Variants in DEUP1 observed in about 807,000 individuals in gnomAD.
DEUP1 encodes deuterosome assembly protein 1.
DEUP1 carries 82 observed loss-of-function variants against 87.4 expected under a neutral mutation model. The ratio of observed to expected loss-of-function variants is 0.94; its 90% CI spans 0.78 to 1.13. The LOEUF is 1.13. Among genes scored for constraint, DEUP1 ranks in the 50% most tolerant of loss-of-function variants. The pLI is 0.00. For missense variants in DEUP1, 663 were observed against 681.5 expected, an observed-to-expected ratio of 0.97 and a Z score of 0.30; for synonymous variants, 214 against 222.7, an observed-to-expected ratio of 0.96 and a Z score of 0.35.
At chr11:93,353,295 G>C (rs1231715679) in intron 2 of DEUP1, among the ~76,000 whole-genome samples, 2 of 152,218 alleles carry the variant, frequency 1.3e-5, no homozygotes, top group African/African-American at 4.8e-5. Flanking sequence ...TCCAGGTCAT[G>C]CTGATGCAAA....
chr11:93,416,715 A>G (rs1947644832), intron 13 of DEUP1, among the ~76,000 whole-genome samples: 1 of 151,856 alleles, frequency 6.6e-6, no homozygotes, highest in African/African-American at 2.4e-5. Flanking sequence ...AGCCTGGCAG[A>G]GACACAACCA....
intron 4 of DEUP1, among the ~76,000 whole-genome samples, chr11:93,358,133 A>G (rs1274394163): frequency 6.6e-6 from 1 of 152,204 alleles, no homozygotes; most frequent in East Asian, 1.9e-4. Context: ...CCACACAGAA[A>G]TCTAGAAAGT....
intron 8 of DEUP1, 108 bp downstream of exon 8, chr11:93,385,651 A>C: frequency 1.3e-6 from 1 of 798,630 alleles, no homozygotes; most frequent in Non-Finnish European, 1.8e-6. Flanking sequence ...ATTTTGTATT[A>C]ACATGTTAAT....
At chr11:93,403,929 C>T (rs2134400878) in intron 11 of DEUP1, among the ~76,000 whole-genome samples, 1 of 152,066 alleles carries the variant, frequency 6.6e-6, no homozygotes, top group Non-Finnish European at 1.5e-5. Flanking sequence ...TTATTTTTGT[C>T]TTCTAAAATA....
At chr11:93,409,089 G>A (rs770002442) in intron 12 of DEUP1, among the ~76,000 whole-genome samples, 6 of 151,960 alleles carry the variant, frequency 3.9e-5, no homozygotes, top group Admixed American at 2.0e-4. Context: ...ACTCCTGACC[G>A]CAAGTGATCC....
At position 93,371,113 on chromosome 11, in the gene DEUP1, C is replaced by T. The variant is rs116730753; in HGVS notation, c.622C>T (p.Arg208Cys). 26 of 1,612,660 alleles carry T rather than the reference C, an allele frequency of 1.6e-5. No individual in the cohort carries two copies. The East Asian group carries it at 2.5e-4, about 15-fold the overall frequency. ...AGAAGACAGCAGCTCTGAAATTCCT[C>T]GTTTGATATGTGACCCAGATCCCAA... is the stretch of plus-strand genomic sequence containing the variant. ...CLEDSSSEIP[R>C]LICDPDPNCE... Residue 208 changes from arginine to cysteine, a missense_variant, in exon 7 of 14, where the codon CGT (arginine) becomes TGT (cysteine). Arg to Cys is a radical substitution (Grantham distance 180, BLOSUM62 -3). Coordinates refer to ENST00000298050, the MANE Select transcript of DEUP1 (RefSeq NM_181645.4).
At chr11:93,385,610 G>T in intron 8 of DEUP1, 67 bp downstream of exon 8, 1 of 1,276,826 alleles carries the variant, frequency 7.8e-7, no homozygotes, top group East Asian at 2.5e-5. Flanking sequence ...GTTTTTAAGA[G>T]TTTTATATTT....
At chr11:93,336,653 C>T (rs1228962137) in intron 2 of DEUP1, among the ~76,000 whole-genome samples, 3 of 152,210 alleles carry the variant, frequency 2.0e-5, no homozygotes, top group Non-Finnish European at 2.9e-5. Context: ...CTGCCATCTA[C>T]TGTACCTGGT....
Position 93,385,510 on chromosome 11 carries a change from G to A in DEUP1, c.902G>A (p.Gly301Glu), listed in dbSNP as rs1174296270. 4 of 1,609,204 alleles carry A rather than the reference G, an allele frequency of 2.5e-6. No homozygotes were observed. The highest frequency in any genetic ancestry group is 1.1e-5 in the South Asian group (1 of 90,078). Residue 301 changes from glycine to glutamate, a missense_variant, in exon 8 of 14, where the codon GGA becomes GAA. Gly to Glu is a moderately conservative substitution (Grantham distance 98). Coordinates refer to ENST00000298050, the MANE Select transcript of DEUP1 (RefSeq NM_181645.4). ...TTACACAGAGAATTATTAAAAATAG[G>A]AGAGTGCCAAAATGCTCAAGGAAAT... is the stretch of plus-strand genomic sequence containing the variant. ...LQLHRELLKI[G>E]ECQNAQGNKT... is the part of the protein sequence containing the mutation.
intron 5 of DEUP1, among the ~76,000 whole-genome samples, chr11:93,368,283 G>A (rs961089609): frequency 6.6e-6 from 1 of 152,186 alleles, no homozygotes; most frequent in African/African-American, 2.4e-5. Context: ...CCATAGACTG[G>A]GTGGCATAAA....
intron 7 of DEUP1, among the ~76,000 whole-genome samples, chr11:93,381,584 T>A (rs1265137364): frequency 1.3e-5 from 2 of 152,188 alleles, no homozygotes; most frequent in African/African-American, 4.8e-5. Flanking sequence ...ACACTCTACA[T>A]GTTTTTTAAA....
intron 13 of DEUP1, among the ~76,000 whole-genome samples, chr11:93,417,283 A>G (rs2134455874): frequency 6.6e-6 from 1 of 150,942 alleles, no homozygotes. Context: ...AGAAAACCCC[A>G]TTGTCTCTGC....
chr11:93,415,123 C>T lies in DEUP1; in HGVS notation c.1638+9C>T, dbSNP rs749038263. ...ATGATGTATTCCCACTGGTGAGTTG[C>T]TGGTTGTGGGCTTTTTTTTTCTTTA... On this transcript the variant is annotated intron_variant, in intron 13 of 13. Coordinates refer to ENST00000298050, the MANE Select transcript of DEUP1 (RefSeq NM_181645.4). 44 of 1,568,038 alleles carry T rather than the reference C, an allele frequency of 2.8e-5. No homozygotes were observed. Among genetic ancestry groups the T allele is most frequent in the Non-Finnish European group, 3.6e-5 (41 of 1,141,132 alleles).
At position 93,394,536 on chromosome 11, in the gene DEUP1, A is replaced by G. The variant is rs760774728; in HGVS notation, c.1119A>G (p.Leu373=). Residue 373 remains leucine, a synonymous_variant, in exon 10 of 14, where the codon CTA becomes CTG. Transcript: ENST00000298050. ...QERMRNEISD[L]TEELHQKEIT... ...GAATGAGGAATGAAATCTCTGACCT[A>G]ACAGAAGAGCTTCATCAGAAGGAGA... 2 of 1,611,622 alleles carry G rather than the reference A, an allele frequency of 1.2e-6. No individual in the cohort carries two copies. Among genetic ancestry groups the G allele is most frequent in the South Asian group, 2.2e-5 (2 of 90,314 alleles).
intron 8 of DEUP1, 22 bp downstream of exon 8, chr11:93,385,565 A>G (rs1183113537): frequency 4.5e-6 from 7 of 1,563,330 alleles, no homozygotes; most frequent in Non-Finnish European, 6.0e-6. Context: ...ATATTTGACA[A>G]TCTGAGAGAA....
intron 13 of DEUP1, among the ~76,000 whole-genome samples, chr11:93,427,579 T>G (rs1947963075): frequency 6.6e-6 from 1 of 150,954 alleles, no homozygotes; most frequent in African/African-American, 2.4e-5. Flanking sequence ...GGACTTCATG[T>G]CTAAAACACC....
intron 11 of DEUP1, among the ~76,000 whole-genome samples, chr11:93,397,547 G>A (rs765550569): frequency 2.0e-5 from 3 of 151,952 alleles, no homozygotes; most frequent in Non-Finnish European, 2.9e-5. Context: ...ATTCTGGGTC[G>A]TCACAGCCCC....
At chr11:93,381,164 A>G (rs1265804292) in intron 7 of DEUP1, among the ~76,000 whole-genome samples, 1 of 152,152 alleles carries the variant, frequency 6.6e-6, no homozygotes, top group East Asian at 1.9e-4. Context: ...TTTATATTTG[A>G]TAGTTGATTT....
chr11:93,361,414 A>G (rs1468388700), intron 4 of DEUP1, among the ~76,000 whole-genome samples: 1 of 152,120 alleles, frequency 6.6e-6, no homozygotes, highest in Admixed American at 6.5e-5. Context: ...TATTTTCTAA[A>G]TTTTTTGATA....
Sources: allele counts gnomAD v4.1 joint callset (sites outside exome capture counted in the v4.1 genomes callset), GRCh38; gene constraint gnomAD v4.1.1; transcripts MANE v1.5; gene names NCBI Gene and HGNC (gene_info 2026-07-23, HGNC 2026-07-21).